Variants in ZC3H12B observed in about 807,000 individuals in gnomAD.
The protein encoded by ZC3H12B is probable ribonuclease ZC3H12B.
Under a neutral mutation model 43.9 loss-of-function variants are expected in ZC3H12B, and 7 were observed. The observed-to-expected ratio is 0.16, with a 90% CI of 0.09 to 0.30. The LOEUF (loss-of-function observed/expected upper bound fraction) is 0.30. ZC3H12B is among the 10% of genes least tolerant of loss of function. ZC3H12B has a pLI of 1.00. For missense variants in ZC3H12B, 475 were observed against 670.2 expected (o/e 0.71, Z 3.22); for synonymous variants, 222 against 241.7 (o/e 0.92, Z 0.76).
the ZC3H12B span, among the ~76,000 whole-genome samples, chrX:65,244,727 C>CAAAAAAAAAAAAAAAAAAAAAAA: frequency 1.5e-4 from 3 of 20,391 alleles, no homozygotes; most frequent in Non-Finnish European, 2.5e-4. Flanking sequence ...AATACCTTGC[C>CAAAAAAAAAAAAAAAAAAAAAAA]AAAAAAAAAA....
At chrX:65,304,157 A>G in the ZC3H12B span, among the ~76,000 whole-genome samples, 4 of 112,308 alleles carry the variant, frequency 3.6e-5, no homozygotes, top group Admixed American at 1.9e-4. Flanking sequence ...TATTTAAGAC[A>G]GTGTGGTATT....
At chrX:65,115,356 AT>A in the ZC3H12B span, among the ~76,000 whole-genome samples, 1 of 110,713 alleles carries the variant, frequency 9.0e-6, no homozygotes, top group Non-Finnish European at 1.9e-5. Flanking sequence ...CTGCACTTCC[AT>A]GCAGGTTGCT....
At chrX:65,369,757 T>C (rs1188413555) in intron 2 of ZC3H12B, among the ~76,000 whole-genome samples, 2 of 111,965 alleles carry the variant, frequency 1.8e-5, no homozygotes, top group Non-Finnish European at 3.8e-5. Flanking sequence ...GAACCAAAAT[T>C]TCCAGAATAA....
intron 2 of ZC3H12B, among the ~76,000 whole-genome samples, chrX:65,384,606 A>G (rs751384778): frequency 8.9e-6 from 1 of 111,890 alleles, no homozygotes; most frequent in East Asian, 2.8e-4. Flanking sequence ...TATAGTTTAA[A>G]AAAAATGGCA....
the ZC3H12B span, among the ~76,000 whole-genome samples, chrX:65,077,300 C>T: frequency 8.9e-6 from 1 of 111,761 alleles, no homozygotes; most frequent in Non-Finnish European, 1.9e-5. Flanking sequence ...AGTCTTGTGT[C>T]AATTAATAGA....
the ZC3H12B span, among the ~76,000 whole-genome samples, chrX:65,346,259 TAA>T: frequency 2.3e-4 from 20 of 86,266 alleles, no homozygotes; most frequent in African/African-American, 2.9e-4. Flanking sequence ...ATGGTACTAG[TAA>T]AAAAAAAAAA....
chrX:65,102,348 C>T, the ZC3H12B span, among the ~76,000 whole-genome samples: 1 of 111,899 alleles, frequency 8.9e-6, no homozygotes, highest in Non-Finnish European at 1.9e-5. Context: ...CCTCTCTCCC[C>T]ACTCCTATTC....
chrX:65,113,011 A>G, the ZC3H12B span, among the ~76,000 whole-genome samples: 5 of 111,775 alleles, frequency 4.5e-5, no homozygotes, highest in African/African-American at 1.6e-4. Flanking sequence ...GGACATTTGT[A>G]CTTCAGGGGA....
chrX:65,279,237 A>G, the ZC3H12B span, among the ~76,000 whole-genome samples: 1 of 109,824 alleles, frequency 9.1e-6, no homozygotes, highest in African/African-American at 3.3e-5. Context: ...GTGGTTGAAA[A>G]GTAATTTCCA....
At chrX:65,108,681 A>G in the ZC3H12B span, among the ~76,000 whole-genome samples, 9 of 111,429 alleles carry the variant, frequency 8.1e-5, no homozygotes, top group African/African-American at 2.9e-4. Context: ...CTCTAACAAT[A>G]AAAAGTATAG....
the ZC3H12B span, among the ~76,000 whole-genome samples, chrX:65,335,964 G>A: frequency 7.6e-3 from 847 of 111,546 alleles, 3 homozygotes; most frequent in Middle Eastern, 0.037. Context: ...TTTGTTTTCA[G>A]GGAAGTGTAG....
the ZC3H12B span, among the ~76,000 whole-genome samples, chrX:65,133,720 G>A: frequency 9.0e-6 from 1 of 110,687 alleles, no homozygotes; most frequent in South Asian, 3.9e-4. Context: ...CTAGGGAGGA[G>A]CAGCCTGGGG....
At chrX:65,066,903 C>T in the ZC3H12B span, among the ~76,000 whole-genome samples, 2 of 111,806 alleles carry the variant, frequency 1.8e-5, no homozygotes, top group South Asian at 7.4e-4. Flanking sequence ...GTGGGCTCTA[C>T]GCAGTCTGAA....
intron 3 of ZC3H12B, among the ~76,000 whole-genome samples, chrX:65,459,064 G>C (rs1229164645): frequency 2.7e-5 from 3 of 111,810 alleles, no homozygotes; most frequent in Non-Finnish European, 5.6e-5. Flanking sequence ...ACTACCATCA[G>C]AGAATACTAT....
chrX:65,480,361 C>T (rs998631321), intron 3 of ZC3H12B, among the ~76,000 whole-genome samples: 2 of 112,534 alleles, frequency 1.8e-5, no homozygotes, highest in African/African-American at 6.5e-5. Context: ...AATACAAAGT[C>T]ACTCATAGAC....
At chrX:65,165,488 T>A in the ZC3H12B span, among the ~76,000 whole-genome samples, 1 of 111,943 alleles carries the variant, frequency 8.9e-6, no homozygotes, top group African/African-American at 3.2e-5. Context: ...GCCCATGTGT[T>A]CTCATTGTTC....
the ZC3H12B span, chrX:65,270,947 CTGAAAAGTCATT>C: frequency 2.7e-5 from 3 of 112,041 alleles, no homozygotes; most frequent in Admixed American, 9.4e-5. Flanking sequence ...CCTATAAAGA[CTGAAAAGTCATT>C]TCAGATCAAT....
chrX:65,351,176 C>A, the ZC3H12B span, among the ~76,000 whole-genome samples: 15 of 111,551 alleles, frequency 1.3e-4, no homozygotes, highest in South Asian at 5.7e-3. Flanking sequence ...CACACATCTA[C>A]AACAATCTGA....
At chrX:65,435,633 C>A (rs1000586187) in intron 3 of ZC3H12B, among the ~76,000 whole-genome samples, 1 of 102,402 alleles carries the variant, frequency 9.8e-6, no homozygotes, top group South Asian at 4.6e-4. Context: ...TCCAGAGAAA[C>A]AGAACCAATA....
Sources: gnomAD v4.1 joint callset for allele counts (sites outside exome capture counted in the v4.1 genomes callset) on GRCh38, gnomAD v4.1.1 for gene constraint, MANE v1.5 for transcripts, NCBI Gene and HGNC (gene_info 2026-07-23, HGNC 2026-07-21) for gene names.